ROBO2: variants seen among roughly 807,000 people sequenced by gnomAD.
ROBO2 encodes the protein roundabout guidance receptor 2.
Under a neutral mutation model 160.8 loss-of-function variants are expected in ROBO2, and 53 were observed. That is an observed-to-expected ratio of 0.33 (90% CI 0.26 to 0.41). The LOEUF (loss-of-function observed/expected upper bound fraction) is 0.41, where lower values mean the gene tolerates loss of function less well. Ranked by LOEUF, ROBO2 falls within the 10% of genes least tolerant of loss-of-function variation. The probability of loss-of-function intolerance (pLI) is 1.00; values close to 1 mark genes in which losing one functional copy is unlikely to be tolerated. For missense variants in ROBO2, 1,577 were observed against 1,722.4 expected (o/e 0.92, Z 1.49); for synonymous variants, 664 against 611.7 (o/e 1.09, Z -1.26).
intron 2 of ROBO2, among the ~76,000 whole-genome samples, chr3:77,138,044 A>G (rs187231420): frequency 7.2e-5 from 11 of 152,248 alleles, no homozygotes; most frequent in Non-Finnish European, 1.5e-4. Flanking sequence ...CTGAACGACT[A>G]CCAGGAACCT....
chr3:76,686,875 C>T (rs1334329400), intron 2 of ROBO2, among the ~76,000 whole-genome samples: 1 of 151,994 alleles, frequency 6.6e-6, no homozygotes, highest in African/African-American at 2.4e-5. Context: ...ATTCTAATAC[C>T]TGACCCATTT....
At chr3:77,038,939 C>T (rs1297815985), upstream of ROBO2, among the ~76,000 whole-genome samples, 2 of 152,216 alleles carry the variant, frequency 1.3e-5, no homozygotes, top group Non-Finnish European at 2.9e-5. Flanking sequence ...GTGCTGGTCC[C>T]TGGAGGGTAA....
At chr3:76,943,221 T>C (rs1248529348) in intron 2 of ROBO2, among the ~76,000 whole-genome samples, 2 of 152,214 alleles carry the variant, frequency 1.3e-5, no homozygotes, top group South Asian at 4.1e-4. Context: ...TTGAAAGAGC[T>C]ACCTCAGAGG....
chr3:76,183,431 G>C (rs186704832), intron 2 of ROBO2, among the ~76,000 whole-genome samples: 1 of 152,222 alleles, frequency 6.6e-6, no homozygotes, highest in Non-Finnish European at 1.5e-5. Flanking sequence ...GCTATCTCTA[G>C]CACTGCCCAA....
intron 2 of ROBO2, among the ~76,000 whole-genome samples, chr3:76,851,691 C>T (rs937112021): frequency 2.9e-5 from 4 of 137,434 alleles, no homozygotes; most frequent in Non-Finnish European, 6.0e-5. Flanking sequence ...GCCGAGATTG[C>T]GCCACTGCAG....
At chr3:76,059,585 T>TCCCA (rs779477998) in intron 2 of ROBO2, among the ~76,000 whole-genome samples, 7 of 152,302 alleles carry the variant, frequency 4.6e-5, no homozygotes, top group Non-Finnish European at 1.0e-4. Context: ...AAAAATTTTC[T>TCCCA]CCCATTCTGT....
chr3:77,101,516 T>C (rs1435706676), intron 2 of ROBO2, among the ~76,000 whole-genome samples: 2 of 152,140 alleles, frequency 1.3e-5, no homozygotes, highest in Non-Finnish European at 2.9e-5. Flanking sequence ...CTTTCTGAGA[T>C]AGGTGTTGAA....
chr3:77,568,521 A>G, intron 13 of ROBO2, 87 bp downstream of exon 14: 1 of 1,504,570 alleles, frequency 6.6e-7, no homozygotes, highest in Non-Finnish European at 9.2e-7. Context: ...AAGAGTGATA[A>G]TAAAAATTCC....
chr3:77,526,389 A>G (rs2091164171), intron 6 of ROBO2, among the ~76,000 whole-genome samples: 1 of 151,548 alleles, frequency 6.6e-6, no homozygotes, highest in Admixed American at 6.6e-5. Flanking sequence ...TTACATATGC[A>G]CTAGAGCTGT....
chr3:76,844,494 CA>C (rs1488174909), intron 2 of ROBO2, among the ~76,000 whole-genome samples: 1 of 151,368 alleles, frequency 6.6e-6, no homozygotes, highest in Admixed American at 6.6e-5. Flanking sequence ...AATAGTATTT[CA>C]AAAAAAATGC....
intron 2 of ROBO2, among the ~76,000 whole-genome samples, chr3:76,863,738 T>C (rs1349512121): frequency 7.9e-5 from 12 of 152,056 alleles, no homozygotes; most frequent in African/African-American, 2.7e-4. Flanking sequence ...AAATTAAATA[T>C]ATAACATGTA....
chr3:76,015,328 A>G (rs1186960896), intron 2 of ROBO2, among the ~76,000 whole-genome samples: 2 of 152,232 alleles, frequency 1.3e-5, no homozygotes, highest in Non-Finnish European at 2.9e-5. Context: ...ATGTATACTT[A>G]AAAGATACCT....
intron 2 of ROBO2, among the ~76,000 whole-genome samples, chr3:76,060,187 T>C (rs1373466316): frequency 1.3e-5 from 2 of 152,170 alleles, no homozygotes; most frequent in African/African-American, 4.8e-5. Context: ...TCCATGCTCT[T>C]ATAATCCAAA....
At chr3:76,657,013 A>G (rs2091561674) in intron 2 of ROBO2, among the ~76,000 whole-genome samples, 1 of 152,024 alleles carries the variant, frequency 6.6e-6, no homozygotes, top group South Asian at 2.1e-4. Context: ...GTCTCTAAGC[A>G]CCTTGCTTAG....
intron 2 of ROBO2, among the ~76,000 whole-genome samples, chr3:77,343,086 G>GAGAAAC (rs1420556472): frequency 9.1e-5 from 13 of 143,618 alleles, no homozygotes; most frequent in African/African-American, 3.3e-4. Context: ...GAGAGAGAGA[G>GAGAAAC]AACTTTCTTA....
intron 2 of ROBO2, among the ~76,000 whole-genome samples, chr3:77,166,677 G>T (rs1053573454): frequency 5.3e-5 from 8 of 152,126 alleles, no homozygotes; most frequent in African/African-American, 1.9e-4. Context: ...TCCTGCCTCA[G>T]CCTCCCGAGT....
chr3:76,832,903 A>G (rs377219359), intron 2 of ROBO2, among the ~76,000 whole-genome samples: 13 of 152,184 alleles, frequency 8.5e-5, no homozygotes, highest in East Asian at 5.8e-4. Flanking sequence ...ATTCTTTATC[A>G]GAGAGAAAAC....
At chr3:76,493,337 T>TTATATATATATATATATATGTATATATA (rs2079942425) in intron 2 of ROBO2, among the ~76,000 whole-genome samples, 1 of 104,830 alleles carries the variant, frequency 9.5e-6, no homozygotes, top group Admixed American at 1.0e-4. Flanking sequence ...AGACAAAAAA[T>TTATATATATATATATATATGTATATATA]TATATATATA....
chr3:77,002,536 A>C (rs2061384405), intron 2 of ROBO2, among the ~76,000 whole-genome samples: 1 of 152,008 alleles, frequency 6.6e-6, no homozygotes, highest in African/African-American at 2.4e-5. Flanking sequence ...TTAGAATAAA[A>C]ACATAGTCAT....
Sources: allele counts gnomAD v4.1 joint callset (sites outside exome capture counted in the v4.1 genomes callset), GRCh38; gene constraint gnomAD v4.1.1; transcripts MANE v1.5; gene names NCBI Gene and HGNC (gene_info 2026-07-23, HGNC 2026-07-21).